The following PADI6 variants were observed in gnomAD, a reference collection of about 807,000 sequenced individuals.
The protein encoded by PADI6 is peptidyl arginine deiminase 6, also known as inactive protein-arginine deiminase type-6.
A neutral mutation model predicts 78.2 loss-of-function variants in PADI6; 66 were observed. The ratio of observed to expected loss-of-function variants is 0.84; its 90% confidence interval spans 0.69 to 1.04. The LOEUF is 1.04. PADI6 is among the 50% of genes least tolerant of loss of function. PADI6 has a pLI of 0.00. For missense variants in PADI6, 854 were observed against 866.1 expected, an observed-to-expected ratio of 0.99 and a Z score of 0.18; for synonymous variants, 397 against 346.9, an observed-to-expected ratio of 1.14 and a Z score of -1.60.
Position 17,401,591 on chromosome 1 carries a change from T to G in PADI6, c.*153T>G. On this transcript the variant is annotated 3_prime_UTR_variant, in exon 16 of 16. Transcript: ENST00000619609. ...TGCCCCGACCGACCCTCGGACCCAGTAGGATGGCAAATGCCGCCAGCTTGA... is the reference window on the plus strand; with the variant it reads ...TGCCCCGACCGACCCTCGGACCCAGGAGGATGGCAAATGCCGCCAGCTTGA... The G allele has an allele frequency of 1.4e-6, 1 of 699,788 alleles. No homozygotes were observed. The highest frequency in any genetic ancestry group is 2.3e-6 in the Non-Finnish European group (1 of 426,964). The allele number at this position is 699,788 out of a possible 1,614,324, so 43.3% of individuals were successfully genotyped here.
At chr1:17,385,299 A>G (rs1293562283) in intron 6 of PADI6, among the ~76,000 whole-genome samples, 1 of 152,188 alleles carries the variant, frequency 6.6e-6, no homozygotes, top group East Asian at 1.9e-4. Flanking sequence ...AGTGAGCTTT[A>G]AAGACCTGGT....
chr1:17,395,869 AG>A (rs1300866489), intron 13 of PADI6, among the ~76,000 whole-genome samples: 1 of 152,116 alleles, frequency 6.6e-6, no homozygotes, highest in Non-Finnish European at 1.5e-5. Context: ...GATGGCCTGG[AG>A]GCTGTTTGGA....
Position 17,390,445 on chromosome 1 carries a change from C to CA in PADI6, c.962+1571dup, listed in dbSNP as rs1451970703. Reference sequence around the variant, plus strand: ...TAAAACCCCGTCTCTACTAAAAATACAAAAAACAATTAGCCAGGCATGGTG... The same window carrying CA: ...TAAAACCCCGTCTCTACTAAAAATACAAAAAAACAATTAGCCAGGCATGGTG... On this transcript the variant is annotated intron_variant, in intron 8 of 15. Coordinates refer to ENST00000619609, the MANE Select transcript of PADI6 (RefSeq NM_207421.4). Among the ~76,000 whole-genome samples the CA allele has an allele frequency of 3.9e-5, 6 of 151,946 alleles. No individual in the cohort carries two copies. In the East Asian group the frequency reaches 7.8e-4, roughly 20 times the overall value.
intron 15 of PADI6, 133 bp downstream of exon 15, chr1:17,398,980 C>T (rs1180074242): frequency 2.9e-6 from 3 of 1,020,732 alleles, no homozygotes; most frequent in Non-Finnish European, 2.8e-6. Flanking sequence ...GAGGGAGACC[C>T]CTTCTCCCCC....
chr1:17,394,950 G>A lies in PADI6; in HGVS notation c.1338-1G>A. On this transcript the variant is annotated splice_acceptor_variant, in intron 11 of 15. Coordinates refer to ENST00000619609, the MANE Select transcript of PADI6 (RefSeq NM_207421.4). LOFTEE classifies it high-confidence loss of function. ...AGCTGTTCTTTCCATCTTCCTTCTA[G>A]CGCAGAGGGCCGGGCCATGAGTAAG... is the stretch of plus-strand genomic sequence containing the variant. The A allele has an allele frequency of 6.2e-7, 1 of 1,608,758 alleles. No homozygotes were observed. The highest frequency in any genetic ancestry group is 1.1e-5 in the South Asian group (1 of 90,572).
chr1:17,374,252 G>A (rs892652398), intron 2 of PADI6, among the ~76,000 whole-genome samples: 4 of 152,070 alleles, frequency 2.6e-5, no homozygotes, highest in African/African-American at 9.7e-5. Flanking sequence ...GCTGCAGAGG[G>A]GTAGGTACAC....
At chr1:17,375,346 G>T (rs1035314148) in intron 2 of PADI6, 81 bp from the exon 3 acceptor site, 1 of 1,320,296 alleles carries the variant, frequency 7.6e-7, no homozygotes, top group South Asian at 1.3e-5. Context: ...CCCACGCCTA[G>T]ACTCGGCACA....
chr1:17,391,463 G>A (rs1165456841), intron 8 of PADI6, among the ~76,000 whole-genome samples: 4 of 152,120 alleles, frequency 2.6e-5, no homozygotes, highest in South Asian at 2.1e-4. Flanking sequence ...TAGGTGATCC[G>A]CCCGCCTCAG....
chr1:17,374,147 C>G (rs1418135191), intron 2 of PADI6, among the ~76,000 whole-genome samples: 1 of 152,040 alleles, frequency 6.6e-6, no homozygotes, highest in Non-Finnish European at 1.5e-5. Context: ...GCACCCAGTG[C>G]GGGGCTGGGG....
chr1:17,385,419 A>C lies in PADI6; in HGVS notation c.680-2962A>C, dbSNP rs1372280350. ...GGGTTTTTGGGCTCTGAGAAGGGTC[A>C]AAGGGAAGTGTGAGGATGGAGGGTG... is the stretch of plus-strand genomic sequence containing the variant. On this transcript the variant is annotated intron_variant, in intron 6 of 15. Transcript: ENST00000619609. Among the ~76,000 whole-genome samples the C allele has an allele frequency of 3.9e-5, 6 of 152,288 alleles. No homozygotes were observed. The East Asian group carries it at 1.2e-3, about 29-fold the overall frequency.
At chr1:17,388,143 A>G (rs2762893) in intron 6 of PADI6, among the ~76,000 whole-genome samples, 45,214 of 152,074 alleles carry the variant, frequency 0.3, 7,034 homozygotes, top group Middle Eastern at 0.41. Context: ...AACTCCTGGC[A>G]TGTAATAGGT....
intron 3 of PADI6, among the ~76,000 whole-genome samples, chr1:17,377,515 G>A (rs2075030692): frequency 1.3e-5 from 2 of 152,154 alleles, no homozygotes; most frequent in Non-Finnish European, 2.9e-5. Flanking sequence ...TGCCTACCCA[G>A]CATGATCGCT....
intron 9 of PADI6, 85 bp from the exon 10 acceptor site, chr1:17,393,890 A>AGG (rs1324671010): frequency 1.7e-6 from 2 of 1,210,634 alleles, no homozygotes; most frequent in Non-Finnish European, 2.4e-6. Flanking sequence ...GCAGGAAGGA[A>AGG]GGGGGTTCTT....
At position 17,401,270 on chromosome 1, in the gene PADI6, G is replaced by A. The variant is rs2100332423; in HGVS notation, c.1917G>A (p.Gly639=). 1.2e-6 allele frequency: 2 copies of A among 1,614,052 alleles called. No homozygotes were observed. The highest frequency in any genetic ancestry group is 2.2e-5 in the East Asian group (1 of 44,872). ...IPKPFGPQIK[G]TCCLEEKICC... is the part of the protein sequence containing the mutation. ...AGCCTTTTGGGCCCCAAATCAAGGG[G>A]ACCTGCTGCCTGGAAGAAAAGATTT... Residue 639 remains glycine (G), a synonymous_variant, in exon 16 of 16, where the codon GGG becomes GGA. Transcript: ENST00000619609.
intron 13 of PADI6, among the ~76,000 whole-genome samples, chr1:17,396,411 C>T (rs751246037): frequency 5.9e-5 from 9 of 152,026 alleles, no homozygotes; most frequent in Non-Finnish European, 1.3e-4. Context: ...CTGTAGGAAC[C>T]CAGAAAGGGG....
intron 6 of PADI6, among the ~76,000 whole-genome samples, chr1:17,387,471 A>G (rs1570137613): frequency 6.7e-6 from 1 of 149,862 alleles, no homozygotes; most frequent in Non-Finnish European, 1.5e-5. Context: ...GGGGGGGGCC[A>G]GGCGTGGTAG....
In PADI6 at chr1:17,373,177, C is replaced by A. The variant is rs2100282315; in HGVS notation, c.238C>A (p.Pro80Thr). Residue 80 changes from proline to threonine, a missense_variant, in exon 2 of 16, where the codon CCC (proline) becomes ACC (threonine). Transcript: ENST00000619609. Reference sequence around the variant, plus strand: ...CACCATCTGGTGGCCCCTGTCTGATCCCACGTACGCCACAGTGAAGATGAC... The same window carrying A: ...CACCATCTGGTGGCCCCTGTCTGATACCACGTACGCCACAGTGAAGATGAC... The part of the protein sequence containing the change: ...DATIWWPLSD[P>T]TYATVKMTSP... 6.2e-7 allele frequency: 1 copy of A among 1,614,002 alleles called. No homozygotes were observed. The highest frequency in any genetic ancestry group is 1.1e-5 in the South Asian group (1 of 91,082).
At chr1:17,391,860 A>G (rs2075187654) in intron 8 of PADI6, among the ~76,000 whole-genome samples, 1 of 152,230 alleles carries the variant, frequency 6.6e-6, no homozygotes, top group African/African-American at 2.4e-5. Context: ...GGCCTTGGCT[A>G]CCAGGGAAGG....
At position 17,394,062 on chromosome 1, in the gene PADI6, T is replaced by G. The variant is rs1206227116; in HGVS notation, c.1162T>G (p.Phe388Val). The G allele has an allele frequency of 5.6e-6, 9 of 1,613,782 alleles. No homozygotes were observed. Among genetic ancestry groups the G allele is most frequent in the Non-Finnish European group, 7.6e-6 (9 of 1,179,752 alleles). ...ACCTCAGGCCGCCGATCTCGATGAG[T>G]TCCCCATGAAGTACTCACTGGTGTG... Reference protein sequence around the residue: ...DTPQAADLDEFPMKYSLSPGI... With the variant: ...DTPQAADLDEVPMKYSLSPGI... The change falls in exon 10 of 16, where the codon TTC becomes GTC. Residue 388 changes from phenylalanine (F) to valine (V), a missense_variant. Physicochemically the swap from Phe to Val is conservative, Grantham distance 50 (BLOSUM62 -1). Coordinates refer to ENST00000619609, the MANE Select transcript of PADI6 (RefSeq NM_207421.4).
Sources: gnomAD v4.1 joint callset for allele counts (sites outside exome capture counted in the v4.1 genomes callset) on GRCh38, gnomAD v4.1.1 for gene constraint, MANE v1.5 for transcripts, NCBI Gene and HGNC (gene_info 2026-07-23, HGNC 2026-07-21) for gene names.